The following POFUT3 variants were observed in gnomAD, a reference collection of about 807,000 sequenced individuals.
POFUT3 encodes GDP-fucose protein O-fucosyltransferase 3.
At chr8:33,469,803 CTTTTT>C in the POFUT3 span, among the ~76,000 whole-genome samples, 1,999 of 108,714 alleles carry the variant, frequency 0.018, 52 homozygotes, top group African/African-American at 0.065. Flanking sequence ...TTTACTTTTT[CTTTTT>C]TTTTTTTTTT....
chr8:33,338,573 G>A, the POFUT3 span, among the ~76,000 whole-genome samples: 1 of 152,128 alleles, frequency 6.6e-6, no homozygotes, highest in Non-Finnish European at 1.5e-5. Context: ...CTCCTGGCTG[G>A]AGAGGTTTTA....
the POFUT3 span, among the ~76,000 whole-genome samples, chr8:33,372,965 T>C: frequency 6.6e-5 from 10 of 152,288 alleles, no homozygotes; most frequent in African/African-American, 2.4e-4. Context: ...ATGGTAAGCA[T>C]ATTGAATAGG....
the POFUT3 span, among the ~76,000 whole-genome samples, chr8:33,468,509 T>C: frequency 6.6e-6 from 1 of 152,146 alleles, no homozygotes; most frequent in Non-Finnish European, 1.5e-5. Context: ...TAGGTTTGAC[T>C]CTCCCAAGGT....
chr8:33,319,314 AT>A, the POFUT3 span, among the ~76,000 whole-genome samples: 1 of 86,898 alleles, frequency 1.2e-5, no homozygotes, highest in Non-Finnish European at 2.0e-5. Context: ...ATGTAAATAT[AT>A]TTTATATATG....
At chr8:33,411,899 G>C in the POFUT3 span, among the ~76,000 whole-genome samples, 1 of 152,158 alleles carries the variant, frequency 6.6e-6, no homozygotes, top group Non-Finnish European at 1.5e-5. Context: ...AATTTCACTG[G>C]GCAGCGCCAG....
At chr8:33,461,644 GA>G in the POFUT3 span, 14 of 1,524,780 alleles carry the variant, frequency 9.2e-6, no homozygotes, top group Non-Finnish European at 1.2e-5. Context: ...GCTTGGCATC[GA>G]GAGGAAGCAG....
At chr8:33,350,740 T>C in the POFUT3 span, among the ~76,000 whole-genome samples, 1 of 152,078 alleles carries the variant, frequency 6.6e-6, no homozygotes, top group Non-Finnish European at 1.5e-5. Flanking sequence ...ATTAGAAACA[T>C]GGCTTTGAAG....
At chr8:33,343,539 T>C in the POFUT3 span, among the ~76,000 whole-genome samples, 3 of 148,592 alleles carry the variant, frequency 2.0e-5, no homozygotes, top group South Asian at 6.2e-4. Context: ...AATTACCATG[T>C]ACACAACCCC....
chr8:33,431,107 G>A, the POFUT3 span, among the ~76,000 whole-genome samples: 1 of 152,024 alleles, frequency 6.6e-6, no homozygotes, highest in African/African-American at 2.4e-5. Flanking sequence ...CATCCCTCCT[G>A]GATCCATGCT....
the POFUT3 span, among the ~76,000 whole-genome samples, chr8:33,317,325 A>G: frequency 2.0e-5 from 3 of 152,126 alleles, no homozygotes; most frequent in East Asian, 1.9e-4. Flanking sequence ...GAACTCTGAC[A>G]GTTATTTTTT....
chr8:33,374,173 T>G, the POFUT3 span, among the ~76,000 whole-genome samples: 1 of 152,156 alleles, frequency 6.6e-6, no homozygotes, highest in Non-Finnish European at 1.5e-5. Context: ...GGAATCCAGC[T>G]TGCTCACTCC....
chr8:33,435,854 A>G, the POFUT3 span, among the ~76,000 whole-genome samples: 1 of 151,678 alleles, frequency 6.6e-6, no homozygotes, highest in African/African-American at 2.4e-5. Flanking sequence ...ACTTTTTTTT[A>G]AAGTTGAAAA....
At chr8:33,383,498 T>A in the POFUT3 span, among the ~76,000 whole-genome samples, 1 of 152,180 alleles carries the variant, frequency 6.6e-6, no homozygotes, top group South Asian at 2.1e-4. Context: ...TAGGGTGTAC[T>A]GTCAAGAACT....
At chr8:33,372,549 GTCTGTT>G in the POFUT3 span, 2 of 1,605,404 alleles carry the variant, frequency 1.2e-6, no homozygotes. Context: ...GAAGGCTCTA[GTCTGTT>G]TCATTCTGAT....
At chr8:33,318,841 T>C in the POFUT3 span, among the ~76,000 whole-genome samples, 5 of 58,866 alleles carry the variant, frequency 8.5e-5, no homozygotes, top group South Asian at 9.6e-4. Flanking sequence ...TATATATTTA[T>C]ATAATATATA....
the POFUT3 span, among the ~76,000 whole-genome samples, chr8:33,353,786 G>A: frequency 6.6e-6 from 1 of 152,108 alleles, no homozygotes; most frequent in African/African-American, 2.4e-5. Context: ...CAATTTTTAG[G>A]TTGTTAGAAT....
the POFUT3 span, among the ~76,000 whole-genome samples, chr8:33,403,061 A>C: frequency 1.4e-5 from 2 of 147,314 alleles, no homozygotes; most frequent in African/African-American, 5.0e-5. Flanking sequence ...ACCGTGTCTC[A>C]AAAAAAAAAA....
At chr8:33,331,427 A>C in the POFUT3 span, among the ~76,000 whole-genome samples, 1 of 152,158 alleles carries the variant, frequency 6.6e-6, no homozygotes, top group African/African-American at 2.4e-5. Flanking sequence ...AGAATCATGG[A>C]AGGTTTCACA....
At chr8:33,327,591 C>A in the POFUT3 span, among the ~76,000 whole-genome samples, 1 of 152,064 alleles carries the variant, frequency 6.6e-6, no homozygotes, top group African/African-American at 2.4e-5. Context: ...GGTCATTTAT[C>A]CAAGGGCACC....
Sources: allele counts gnomAD v4.1 joint callset (sites outside exome capture counted in the v4.1 genomes callset), GRCh38; gene constraint gnomAD v4.1.1; transcripts MANE v1.5; gene names NCBI Gene and HGNC (gene_info 2026-07-23, HGNC 2026-07-21).